Variants in CPNE5 observed in about 807,000 individuals in gnomAD.
CPNE5 encodes the protein copine-5.
Under a neutral mutation model 81.1 loss-of-function variants are expected in CPNE5, and 42 were observed. That is an observed-to-expected ratio of 0.52 (90% confidence interval 0.40 to 0.67). CPNE5 has a LOEUF of 0.67. CPNE5 is among the 30% of genes least tolerant of loss of function. CPNE5 has a pLI of 0.00. For missense variants in CPNE5, 612 were observed against 815.5 expected (o/e 0.75, Z 3.04); for synonymous variants, 313 against 321.5 (o/e 0.97, Z 0.28).
intron 1 of CPNE5, among the ~76,000 whole-genome samples, chr6:36,837,838 G>C (rs537935862): frequency 6.6e-6 from 1 of 152,104 alleles, no homozygotes; most frequent in Non-Finnish European, 1.5e-5. Context: ...GGAGTGCCAG[G>C]CGCAGGGATG....
chr6:36,749,207 A>G (rs2150369037), intron 14 of CPNE5, among the ~76,000 whole-genome samples: 1 of 151,954 alleles, frequency 6.6e-6, no homozygotes, highest in Non-Finnish European at 1.5e-5. Flanking sequence ...AAGTGCTGGG[A>G]TTACAGGTGT....
At chr6:36,834,871 C>T (rs2150628551) in intron 1 of CPNE5, among the ~76,000 whole-genome samples, 1 of 152,262 alleles carries the variant, frequency 6.6e-6, no homozygotes, top group Admixed American at 6.5e-5. Context: ...CCTCCCTCCC[C>T]CAAACCACCC....
intron 13 of CPNE5, chr6:36,754,980 G>A (rs936222533): frequency 5.9e-5 from 9 of 152,194 alleles, no homozygotes; most frequent in African/African-American, 1.9e-4. Flanking sequence ...CTTGGACAAA[G>A]GAAATATGAC....
At position 36,770,687 on chromosome 6, in the gene CPNE5, C is replaced by G. The variant is rs1766967150; in HGVS notation, c.737+4274G>C. Among the ~76,000 whole-genome samples, 3 of 152,194 alleles carry G rather than the reference C, an allele frequency of 2.0e-5. No homozygotes were observed. The South Asian group carries it at 6.2e-4, about 32-fold the overall frequency. On this transcript the variant is annotated intron_variant, in intron 10 of 20. Transcript: ENST00000244751. ...CTCAGGGCACCAGATCTCTGGCCAC[C>G]CCCCTCCTGGAGACCCTAGACTGCT...
At position 36,755,959 on chromosome 6, in the gene CPNE5, T is replaced by A; in HGVS notation, c.909+286A>T. On this transcript the variant is annotated intron_variant, in intron 13 of 20. Transcript: ENST00000244751. ...GGAATTTCCCAGGGTAGGGGCCCAA[T>A]AAATACGACTTCTCTTCCTCTTCCT... 3 of 479,432 alleles carry A rather than the reference T, an allele frequency of 6.3e-6. 1 individual carries two copies. In the South Asian group the frequency reaches 9.4e-5, roughly 15 times the overall value. 29.7% of individuals were successfully genotyped at this position (479,432 alleles called of 1,614,324 possible).
intron 8 of CPNE5, 91 bp downstream of exon 8, chr6:36,791,942 C>G: frequency 8.8e-7 from 1 of 1,137,158 alleles, no homozygotes; most frequent in Non-Finnish European, 1.3e-6. Flanking sequence ...CCTGTCTACC[C>G]TCGGTTCCCT....
chr6:36,791,237 G>A (rs1385436327), intron 8 of CPNE5, among the ~76,000 whole-genome samples: 1 of 152,178 alleles, frequency 6.6e-6, no homozygotes, highest in East Asian at 1.9e-4. Flanking sequence ...AAGCTGACCT[G>A]GAGTAGAGTC....
chr6:36,779,650 C>G (rs1767847623), intron 8 of CPNE5, among the ~76,000 whole-genome samples: 1 of 152,200 alleles, frequency 6.6e-6, no homozygotes, highest in African/African-American at 2.4e-5. Flanking sequence ...GTGGCTTCCC[C>G]AAGTTCACCA....
chr6:36,826,242 C>G (rs971052863), intron 1 of CPNE5, among the ~76,000 whole-genome samples: 2 of 152,118 alleles, frequency 1.3e-5, no homozygotes, highest in African/African-American at 4.8e-5. Context: ...CTGCCCACTT[C>G]CCAGCTGGGC....
At chr6:36,798,008 C>A (rs1328257488) in intron 6 of CPNE5, among the ~76,000 whole-genome samples, 157 bp downstream of exon 6, 1 of 152,148 alleles carries the variant, frequency 6.6e-6, no homozygotes, top group Non-Finnish European at 1.5e-5. Flanking sequence ...GGATTAGAAG[C>A]CCTGTGAGAG....
chr6:36,749,986 T>C (rs1764628669), intron 14 of CPNE5, among the ~76,000 whole-genome samples: 1 of 152,210 alleles, frequency 6.6e-6, no homozygotes. Context: ...GCAGTGAGCA[T>C]AGAATCACTA....
chr6:36,790,303 T>C (rs1316767602), intron 8 of CPNE5, among the ~76,000 whole-genome samples: 1 of 152,214 alleles, frequency 6.6e-6, no homozygotes, highest in African/African-American at 2.4e-5. Flanking sequence ...ATGACTCAAT[T>C]AATGTTCTCT....
intron 20 of CPNE5, chr6:36,743,072 C>G (rs1763713581): frequency 2.0e-6 from 2 of 985,288 alleles, no homozygotes; most frequent in Admixed American, 1.2e-4. Context: ...TATGTTTGGT[C>G]TCCACACCTG....
chr6:36,760,517 G>C (rs1467450311), intron 12 of CPNE5, among the ~76,000 whole-genome samples: 1 of 152,140 alleles, frequency 6.6e-6, no homozygotes, highest in Non-Finnish European at 1.5e-5. Context: ...GCCCCATAAG[G>C]GGGGAGATGA....
rs558470600 is a variant in CPNE5, at chr6:36,792,597, A to C, written c.465-501T>G. Among the ~76,000 whole-genome samples, 55 of 152,296 alleles carry C rather than the reference A, an allele frequency of 3.6e-4. 1 individual carries two copies. The South Asian group carries it at 9.5e-3, about 26-fold the overall frequency. Reference sequence around the variant, plus strand: ...GTGGGCCCTCGCTGGCAGCTTGCCCAGGCTCCTTCCCATGGCTACCTCCCC... The same window carrying C: ...GTGGGCCCTCGCTGGCAGCTTGCCCCGGCTCCTTCCCATGGCTACCTCCCC... On this transcript the variant is annotated intron_variant, in intron 7 of 20. Coordinates refer to ENST00000244751, the MANE Select transcript of CPNE5 (RefSeq NM_020939.2).
chr6:36,825,597 G>C (rs1337567372), intron 1 of CPNE5, among the ~76,000 whole-genome samples: 1 of 152,202 alleles, frequency 6.6e-6, no homozygotes, highest in East Asian at 1.9e-4. Flanking sequence ...GCCCTCCACA[G>C]AGAGCATCAG....
At chr6:36,789,144 A>T (rs1299665248) in intron 8 of CPNE5, among the ~76,000 whole-genome samples, 1 of 152,228 alleles carries the variant, frequency 6.6e-6, no homozygotes, top group Non-Finnish European at 1.5e-5. Flanking sequence ...GGAGAGACAG[A>T]ACTCAGCTAA....
chr6:36,784,814 G>A (rs1018992300), intron 8 of CPNE5, among the ~76,000 whole-genome samples: 2 of 151,912 alleles, frequency 1.3e-5, no homozygotes, highest in African/African-American at 4.8e-5. Flanking sequence ...GTGGTGGTGC[G>A]CACCTGTAGT....
chr6:36,752,971 G>T, intron 14 of CPNE5, 63 bp downstream of exon 14: 1 of 1,373,942 alleles, frequency 7.3e-7, no homozygotes, highest in Non-Finnish European at 1.0e-6. Context: ...AGCCGGTCCT[G>T]TCGGTGTGTG....
Sources: allele counts gnomAD v4.1 joint callset (sites outside exome capture counted in the v4.1 genomes callset), GRCh38; gene constraint gnomAD v4.1.1; transcripts MANE v1.5; gene names NCBI Gene and HGNC (gene_info 2026-07-23, HGNC 2026-07-21).